TNC: variants seen among roughly 807,000 people sequenced by gnomAD.
TNC encodes the protein tenascin.
In TNC, 109 loss-of-function variants were observed where a neutral mutation model predicts 202.4. That is an observed-to-expected ratio of 0.54 (90% confidence interval 0.46 to 0.63). The LOEUF (loss-of-function observed/expected upper bound fraction) is 0.63. TNC is among the 30% of genes least tolerant of loss of function. TNC has a pLI of 0.00. For synonymous variants in TNC, 1,007 were observed against 1,089.7 expected (o/e 0.92, Z 1.50); for missense variants, 2,756 against 2,833.3 (o/e 0.97, Z 0.62).
At chr9:115,083,914 CT>C (rs1282100767) in intron 4 of TNC, among the ~76,000 whole-genome samples, 1 of 152,166 alleles carries the variant, frequency 6.6e-6, no homozygotes, top group East Asian at 1.9e-4. Context: ...CAAATGAGGA[CT>C]CTTATACTAA....
chr9:115,027,962 G>A (rs866989981), intron 25 of TNC, among the ~76,000 whole-genome samples: 56 of 152,028 alleles, frequency 3.7e-4, no homozygotes, highest in Middle Eastern at 3.2e-3. Context: ...CTTAACTGAG[G>A]GATTTAAAGG....
Position 115,086,944 on chromosome 9 carries a change from A to G in TNC, c.787T>C (p.Cys263Arg). Residue 263 changes from cysteine (C) to arginine (R), a missense_variant, in exon 3 of 28, where the codon TGT (cysteine) becomes CGT (arginine). Cys to Arg is a radical substitution (Grantham distance 180, BLOSUM62 -3). Coordinates refer to ENST00000350763, the MANE Select transcript of TNC (RefSeq NM_002160.4). ...PVPCSEEHGT[C>R]VDGLCVCHDG... The stretch of plus-strand genomic sequence containing the variant: ...TGGCACACACACAAGCCATCTACAC[A>G]TGTGCCGTGCTCCTCACTGCAGGGC... The G allele has an allele frequency of 1.2e-6, 2 of 1,614,214 alleles. No homozygotes were observed. Among genetic ancestry groups the G allele is most frequent in the East Asian group, 2.2e-5 (1 of 44,882 alleles).
At chr9:115,061,248 A>G (rs1781072847) in intron 13 of TNC, among the ~76,000 whole-genome samples, 1 of 152,150 alleles carries the variant, frequency 6.6e-6, no homozygotes, top group African/African-American at 2.4e-5. Flanking sequence ...CCTCTGAGCA[A>G]CCTCTTGCTT....
At chr9:115,041,112 A>G in intron 18 of TNC, 28 bp from the exon 19 acceptor site, 1 of 1,592,732 alleles carries the variant, frequency 6.3e-7, no homozygotes, top group Non-Finnish European at 8.6e-7. Flanking sequence ...CAAGATGAGG[A>G]ATAATGAACC....
intron 12 of TNC, 51 bp downstream of exon 12, chr9:115,063,743 TCC>T: frequency 6.4e-7 from 1 of 1,566,662 alleles, no homozygotes; most frequent in Non-Finnish European, 8.7e-7. Flanking sequence ...CTTTGATTCC[TCC>T]CGAGCAGAGA....
Position 115,059,853 on chromosome 9 carries a change from A to G in TNC, c.4183T>C (p.Leu1395=), listed in dbSNP as rs147746878. Residue 1395 remains leucine, a synonymous_variant, in exon 14 of 28, where the codon TTG becomes CTG. Coordinates refer to ENST00000350763, the MANE Select transcript of TNC (RefSeq NM_002160.4). ...NKVEAAQNLT[L]PGSLRAVDIP... ...TCCACAGCCCTGAGGCTGCCAGGCA[A>G]CGTGAGGTTCTGGGCTGCCTCCACT... The G allele has an allele frequency of 4.3e-5, 70 of 1,614,010 alleles. No homozygotes were observed. The African/African-American group carries it at 8.8e-4, about 20-fold the overall frequency.
chr9:115,079,094 T>A (rs1428807109), intron 6 of TNC, among the ~76,000 whole-genome samples: 1 of 152,182 alleles, frequency 6.6e-6, no homozygotes, highest in African/African-American at 2.4e-5. Context: ...TCATAACAGA[T>A]TTCTGTACAG....
At chr9:115,022,780 A>G (rs1349816606) in intron 27 of TNC, among the ~76,000 whole-genome samples, 2 of 152,174 alleles carry the variant, frequency 1.3e-5, no homozygotes, top group East Asian at 1.9e-4. Flanking sequence ...TAATTCCTGC[A>G]CAGGGTAAAA....
chr9:115,060,315 G>T (rs1190444093), intron 13 of TNC, among the ~76,000 whole-genome samples: 1 of 152,148 alleles, frequency 6.6e-6, no homozygotes, highest in Non-Finnish European at 1.5e-5. Context: ...AGGATTGTGG[G>T]TTAGGGTAAG....
At chr9:115,089,519 G>A (rs995490359) in intron 2 of TNC, among the ~76,000 whole-genome samples, 19 of 148,426 alleles carry the variant, frequency 1.3e-4, no homozygotes, top group East Asian at 2.0e-4. Context: ...TTTTTTTTTC[G>A]GATGGTGTTT....
At chr9:115,115,478 T>C (rs114565155) in intron 1 of TNC, among the ~76,000 whole-genome samples, 2,958 of 152,234 alleles carry the variant, frequency 0.019, 99 homozygotes, top group African/African-American at 0.068. Flanking sequence ...CATCTCTTTG[T>C]CCAACAAATA....
chr9:115,068,583 C>T (rs1201219354), intron 10 of TNC, among the ~76,000 whole-genome samples: 3 of 152,178 alleles, frequency 2.0e-5, no homozygotes, highest in Non-Finnish European at 4.4e-5. Context: ...GAAGCCTTGG[C>T]TGCCTTAAAA....
intron 1 of TNC, among the ~76,000 whole-genome samples, chr9:115,112,415 T>G (rs989606174): frequency 1.3e-5 from 2 of 152,166 alleles, no homozygotes; most frequent in Non-Finnish European, 2.9e-5. Flanking sequence ...AATAGATAAG[T>G]GGAGGGGCTT....
Position 115,024,058 on chromosome 9 carries a change from G to A in TNC, c.6410C>T (p.Ala2137Val). ...CCAGAAAGCCCCTTTGTAGGACAGAGCACAGTTGGTGATGGCTGAATCTGT... is the reference window on the plus strand; with the variant it reads ...CCAGAAAGCCCCTTTGTAGGACAGAACACAGTTGGTGATGGCTGAATCTGT... Reference protein sequence around the residue: ...KDTDSAITNCALSYKGAFWYR... With the variant: ...KDTDSAITNCVLSYKGAFWYR... Residue 2137 changes from alanine to valine, a missense_variant, in exon 27 of 28, where the codon GCT becomes GTT. This residue lies in a region of TNC where 197 missense variants were observed against 287.3 expected (regional missense o/e 0.69). Transcript: ENST00000350763. The A allele has an allele frequency of 1.2e-6, 2 of 1,614,186 alleles. No homozygotes were observed. The highest frequency in any genetic ancestry group is 1.7e-6 in the Non-Finnish European group (2 of 1,179,998).
chr9:115,091,426 T>C (rs1564131932), intron 1 of TNC, among the ~76,000 whole-genome samples: 1 of 152,154 alleles, frequency 6.6e-6, no homozygotes, highest in Non-Finnish European at 1.5e-5. Context: ...TAGACATAGG[T>C]TTGTATCTTG....
At chr9:115,114,923 A>ACACATAGCTCT (rs113422752) in intron 1 of TNC, 2 of 152,234 alleles carry the variant, frequency 1.3e-5, no homozygotes, top group South Asian at 4.1e-4. Flanking sequence ...TACATATGTG[A>ACACATAGCTCT]CACTATTAAC....
chr9:115,055,013 C>T (rs970309054), intron 15 of TNC, among the ~76,000 whole-genome samples: 4 of 152,166 alleles, frequency 2.6e-5, no homozygotes, highest in Non-Finnish European at 4.4e-5. Context: ...ATGCTCAGGG[C>T]ACCTTTATTT....
At chr9:115,028,339 C>T (rs1288597185) in intron 25 of TNC, among the ~76,000 whole-genome samples, 1 of 152,168 alleles carries the variant, frequency 6.6e-6, no homozygotes, top group Non-Finnish European at 1.5e-5. Context: ...TCAACCACTT[C>T]TGACACCTGA....
At chr9:115,045,168 T>G (rs2132074099) in intron 17 of TNC, among the ~76,000 whole-genome samples, 1 of 152,306 alleles carries the variant, frequency 6.6e-6, no homozygotes, top group African/African-American at 2.4e-5. Context: ...AGGTCCCTTT[T>G]ATCTCTCCTG....
Sources: allele counts gnomAD v4.1 joint callset (sites outside exome capture counted in the v4.1 genomes callset), GRCh38; gene constraint gnomAD v4.1.1; regional missense constraint gnomAD v4.1.1; transcripts MANE v1.5; gene names NCBI Gene and HGNC (gene_info 2026-07-23, HGNC 2026-07-21).